Variants in TMEM219 observed in about 807,000 individuals in gnomAD.
TMEM219 encodes the protein insulin-like growth factor-binding protein 3 receptor.
Under a neutral mutation model 17.9 loss-of-function variants are expected in TMEM219, and 18 were observed. That is an observed-to-expected ratio of 1.01 (90% confidence interval 0.70 to 1.49). The LOEUF is 1.49. TMEM219 is among the 40% of genes most tolerant of loss of function. TMEM219 has a pLI of 0.00. For synonymous variants in TMEM219, 113 were observed against 124.0 expected (o/e 0.91, Z 0.59); for missense variants, 288 against 292.4 (o/e 0.99, Z 0.11).
At chr16:29,967,977 C>T (rs746277592) in intron 3 of TMEM219, 48 bp from the exon 4 acceptor site, 30 of 1,396,220 alleles carry the variant, frequency 2.1e-5, no homozygotes, top group African/African-American at 4.3e-5. Flanking sequence ...CAGAGGCTCC[C>T]GCGTCACCTC....
chr16:29,966,134 G>T (rs2069209827), intron 3 of TMEM219, among the ~76,000 whole-genome samples: 1 of 152,152 alleles, frequency 6.6e-6, no homozygotes, highest in Non-Finnish European at 1.5e-5. Flanking sequence ...CTCCCAAAGT[G>T]CTGGGATTAC....
intron 3 of TMEM219, among the ~76,000 whole-genome samples, chr16:29,964,079 G>C (rs1278225990): frequency 1.3e-5 from 2 of 151,762 alleles, no homozygotes; most frequent in African/African-American, 4.8e-5. Context: ...AATCCCAGCA[G>C]TTTGGGAGGC....
rs370482969 is a variant in TMEM219, at chr16:29,963,395, C to T, written c.166-5C>T. 4 of 1,613,790 alleles carry T rather than the reference C, an allele frequency of 2.5e-6. No individual in the cohort carries two copies. The highest frequency in any genetic ancestry group is 1.3e-5 in the African/African-American group (1 of 74,924). On this transcript the variant is annotated splice_region_variant and splice_polypyrimidine_tract_variant and intron_variant, in intron 2 of 5. Coordinates refer to ENST00000279396, the MANE Select transcript of TMEM219 (RefSeq NM_001083613.2). Reference sequence around the variant, plus strand: ...CTCATCTCACCCGTCTTCTTTTGCTCACAGGACTGGGTCTCTTTTTTGAGA... The same window carrying T: ...CTCATCTCACCCGTCTTCTTTTGCTTACAGGACTGGGTCTCTTTTTTGAGA...
intron 3 of TMEM219, 142 bp from the exon 4 acceptor site, chr16:29,967,883 C>T (rs908874424): frequency 2.6e-5 from 16 of 625,582 alleles, no homozygotes; most frequent in South Asian, 1.2e-4. Context: ...GCCGAGATTG[C>T]GCCACTGCAC....
chr16:29,972,332 C>T (rs930940450), intron 5 of TMEM219, among the ~76,000 whole-genome samples: 1 of 152,216 alleles, frequency 6.6e-6, no homozygotes, highest in Non-Finnish European at 1.5e-5. Context: ...ACTTGACATG[C>T]ACCTTCTGTC....
chr16:29,968,258 A>G lies in TMEM219; in HGVS notation c.585+4A>G. 6.2e-7 allele frequency: 1 copy of G among 1,610,344 alleles called. No homozygotes were observed. Among genetic ancestry groups the G allele is most frequent in the Non-Finnish European group, 8.5e-7 (1 of 1,176,920 alleles). On this transcript the variant is annotated splice_donor_region_variant and intron_variant, in intron 4 of 5. Transcript: ENST00000279396. ...GCTGACCAAGCTGCTCACCTCGGTA[A>G]GAGCCTCAGATGGGTCGCCAGGGTT...
In TMEM219 at chr16:29,963,692, G is replaced by A. The variant is rs911445803; in HGVS notation, c.355+103G>A. Reference sequence around the variant, plus strand: ...GAGGTCAGGAGTTCAAGACCAGCCTGGCCAACATGATGAAACACCATCTCT... The same window carrying A: ...GAGGTCAGGAGTTCAAGACCAGCCTAGCCAACATGATGAAACACCATCTCT... On this transcript the variant is annotated intron_variant, in intron 3 of 5. Coordinates refer to ENST00000279396, the MANE Select transcript of TMEM219 (RefSeq NM_001083613.2). 6 of 1,073,786 alleles carry A rather than the reference G, an allele frequency of 5.6e-6. No homozygotes were observed. In the African/African-American group the frequency reaches 9.6e-5, roughly 17 times the overall value. The allele number at this position is 1,073,786 out of a possible 1,614,324, so 66.5% of individuals were successfully genotyped here. A position where few individuals can be genotyped will look rare whatever the true frequency, so the allele number is the denominator to read the frequency against.
intron 4 of TMEM219, 99 bp downstream of exon 4, chr16:29,968,353 CA>C (rs764515644): frequency 9.9e-7 from 1 of 1,012,880 alleles, no homozygotes; most frequent in African/African-American, 1.6e-5. Context: ...AGAAAAAGCA[CA>C]GGTTTTATAA....
Position 29,971,548 on chromosome 16 carries a change from G to C in TMEM219, c.*3G>C, listed in dbSNP as rs2069288951. ...ACTGGTCTAGAACCCGGCTCTGAGG[G>C]CACTGGCCTAGTTCCCGACTTGTTT... is the stretch of plus-strand genomic sequence containing the variant. On this transcript the variant is annotated 3_prime_UTR_variant, in exon 5 of 6. Transcript: ENST00000279396. 1 of 1,611,658 alleles carries C rather than the reference G, an allele frequency of 6.2e-7. No homozygotes were observed. The highest frequency in any genetic ancestry group is 8.5e-7 in the Non-Finnish European group (1 of 1,179,578).
At chr16:29,971,335 A>G in intron 4 of TMEM219, 73 bp from the exon 5 acceptor site, 1 of 1,575,202 alleles carries the variant, frequency 6.3e-7, no homozygotes, top group African/African-American at 1.4e-5. Flanking sequence ...CCTCTCCCTC[A>G]TGGAGGCTCC....
intron 3 of TMEM219, 87 bp from the exon 4 acceptor site, chr16:29,967,938 A>T: frequency 9.0e-7 from 1 of 1,110,052 alleles, no homozygotes; most frequent in East Asian, 2.4e-5. Flanking sequence ...AAAAAAAAAA[A>T]AGAAAATACA....
intron 3 of TMEM219, among the ~76,000 whole-genome samples, chr16:29,967,616 A>C (rs752447223): frequency 1.8e-4 from 27 of 152,140 alleles, no homozygotes; most frequent in Non-Finnish European, 3.5e-4. Context: ...ATCTCAAAAA[A>C]ATAAAGAAAG....
intron 1 of TMEM219, chr16:29,962,648 T>C (rs370927834): frequency 6.3e-6 from 1 of 158,530 alleles, no homozygotes; most frequent in East Asian, 1.8e-4. Flanking sequence ...TTAATCCTTA[T>C]TACTTGGTGT....
intron 4 of TMEM219, 52 bp downstream of exon 4, chr16:29,968,306 T>A (rs770994974): frequency 6.9e-7 from 1 of 1,451,512 alleles, no homozygotes; most frequent in Non-Finnish European, 9.6e-7. Flanking sequence ...TGCTGACTAC[T>A]GTATCTTGAA....
intron 3 of TMEM219, among the ~76,000 whole-genome samples, chr16:29,965,517 G>A (rs1236690244): frequency 6.9e-6 from 1 of 144,468 alleles, no homozygotes; most frequent in Non-Finnish European, 1.5e-5. Flanking sequence ...GCAGGTGTTC[G>A]AGACCAGCCT....
intron 4 of TMEM219, among the ~76,000 whole-genome samples, chr16:29,969,720 T>A (rs1312006609): frequency 1.3e-5 from 2 of 151,806 alleles, no homozygotes; most frequent in African/African-American, 2.4e-5. Flanking sequence ...TTGGGAGCAC[T>A]CCATGTTGAG....
At chr16:29,963,071 G>T in intron 1 of TMEM219, 36 bp from the exon 2 acceptor site, 2 of 1,535,024 alleles carry the variant, frequency 1.3e-6, no homozygotes, top group Non-Finnish European at 1.8e-6. Context: ...GCGTAAAAGC[G>T]GTGCTCTTGT....
chr16:29,969,848 T>G (rs934344896), intron 4 of TMEM219, among the ~76,000 whole-genome samples: 1 of 151,902 alleles, frequency 6.6e-6, no homozygotes, highest in Non-Finnish European at 1.5e-5. Context: ...CTGAGGAGTT[T>G]TAAGGAGGAG....
chr16:29,968,231 G>A lies in TMEM219; in HGVS notation c.562G>A (p.Val188Met). 1 of 1,613,910 alleles carries A rather than the reference G, an allele frequency of 6.2e-7. No individual in the cohort carries two copies. The highest frequency in any genetic ancestry group is 8.5e-7 in the Non-Finnish European group (1 of 1,179,814). The part of the protein sequence containing the change: ...CVSVWSHEGL[V>M]LTKLLTSEEL... ...TAGTGTCTGGAGCCATGAAGGCCTTGTGCTGACCAAGCTGCTCACCTCGGT... is the reference window on the plus strand; with the variant it reads ...TAGTGTCTGGAGCCATGAAGGCCTTATGCTGACCAAGCTGCTCACCTCGGT... The change falls in exon 4 of 6, where the codon GTG (valine) becomes ATG (methionine). Residue 188 changes from valine to methionine, a missense_variant. Physicochemically the swap from Val to Met is conservative, Grantham distance 21. Transcript: ENST00000279396.
Sources: allele counts gnomAD v4.1 joint callset (sites outside exome capture counted in the v4.1 genomes callset), GRCh38; gene constraint gnomAD v4.1.1; transcripts MANE v1.5; gene names NCBI Gene and HGNC (gene_info 2026-07-23, HGNC 2026-07-21).